Variants in RAB6A observed in about 807,000 individuals in gnomAD.
RAB6A encodes the protein RAB6A, member RAS oncogene family.
Under a neutral mutation model 32.3 loss-of-function variants are expected in RAB6A, and 8 were observed. The observed-to-expected ratio is 0.25, with a 90% CI of 0.15 to 0.45. The LOEUF (loss-of-function observed/expected upper bound fraction) is 0.45, where lower values mean the gene tolerates loss of function less well. RAB6A is among the 20% of genes least tolerant of loss of function. RAB6A has a pLI of 1.00. For missense variants in RAB6A, 104 were observed against 249.4 expected (o/e 0.42, Z 3.93); for synonymous variants, 73 against 82.1 (o/e 0.89, Z 0.60).
At chr11:73,684,168 G>T (rs66818546) in intron 6 of RAB6A, among the ~76,000 whole-genome samples, 14,681 of 144,326 alleles carry the variant, frequency 0.1, 842 homozygotes, top group South Asian at 0.27. Context: ...ATACATTGTT[G>T]TTTTTTTTTT....
chr11:73,756,719 C>G (rs1946755845), intron 1 of RAB6A, among the ~76,000 whole-genome samples: 1 of 152,224 alleles, frequency 6.6e-6, no homozygotes, highest in African/African-American at 2.4e-5. Flanking sequence ...CTCTGAGGCC[C>G]AGGCTGGAGT....
chr11:73,743,450 C>T (rs1228018960), intron 1 of RAB6A, among the ~76,000 whole-genome samples: 2 of 152,066 alleles, frequency 1.3e-5, no homozygotes, highest in Non-Finnish European at 2.9e-5. Context: ...AGCAGGTCAT[C>T]AAGGACCTTT....
intron 2 of RAB6A, among the ~76,000 whole-genome samples, chr11:73,728,455 T>G (rs1946255137): frequency 6.6e-6 from 1 of 151,908 alleles, no homozygotes; most frequent in Non-Finnish European, 1.5e-5. Flanking sequence ...TTATGTTTAT[T>G]GCTTTTTGTA....
At chr11:73,733,131 A>G (rs947406079) in intron 1 of RAB6A, among the ~76,000 whole-genome samples, 1 of 152,098 alleles carries the variant, frequency 6.6e-6, no homozygotes, top group Non-Finnish European at 1.5e-5. Flanking sequence ...TCTTCATGGC[A>G]TCTGGAAACT....
chr11:73,728,848 T>C (rs1946264123), intron 2 of RAB6A, among the ~76,000 whole-genome samples: 1 of 151,914 alleles, frequency 6.6e-6, no homozygotes, highest in Admixed American at 6.6e-5. Context: ...TCAGAAGAGT[T>C]TTACAAAGTA....
intron 5 of RAB6A, among the ~76,000 whole-genome samples, chr11:73,711,298 T>TCA (rs56681686): frequency 0.021 from 3,189 of 152,250 alleles, 110 homozygotes; most frequent in African/African-American, 0.072. Flanking sequence ...AGGGTCCTCA[T>TCA]TTTGCTTTAG....
chr11:73,744,619 T>C (rs1348564675), intron 1 of RAB6A, among the ~76,000 whole-genome samples: 1 of 150,574 alleles, frequency 6.6e-6, no homozygotes, highest in African/African-American at 2.5e-5. Context: ...AATTGTATCA[T>C]AAGGACAAAA....
intron 1 of RAB6A, among the ~76,000 whole-genome samples, chr11:73,738,507 C>T (rs930040296): frequency 1.1e-4 from 17 of 152,096 alleles, no homozygotes; most frequent in African/African-American, 3.9e-4. Context: ...AGAAATTTAG[C>T]CAAGCACAGT....
chr11:73,692,651 TGATAATA>T (rs1468047888), intron 6 of RAB6A, among the ~76,000 whole-genome samples: 2 of 149,306 alleles, frequency 1.3e-5, no homozygotes, highest in Non-Finnish European at 3.0e-5. Flanking sequence ...AACGTCAACT[TGATAATA>T]AACAAATGCC....
At chr11:73,706,806 G>T (rs1341395997) in intron 6 of RAB6A, among the ~76,000 whole-genome samples, 2 of 152,064 alleles carry the variant, frequency 1.3e-5, no homozygotes, top group Non-Finnish European at 2.9e-5. Flanking sequence ...ATTTATCTCA[G>T]TCTTGGCATC....
chr11:73,714,190 C>CT (rs1946011418), intron 5 of RAB6A, among the ~76,000 whole-genome samples: 1 of 22,300 alleles, frequency 4.5e-5, no homozygotes, highest in Non-Finnish European at 9.5e-5. Context: ...AGAACTCCAT[C>CT]TCAAAAAAAA....
intron 6 of RAB6A, among the ~76,000 whole-genome samples, chr11:73,690,872 G>C (rs1945544913): frequency 7.9e-6 from 1 of 127,136 alleles, no homozygotes; most frequent in Admixed American, 9.1e-5. Flanking sequence ...ACAAAATGCA[G>C]CTTCTTTTAT....
chr11:73,752,512 A>T (rs753958822), intron 1 of RAB6A, among the ~76,000 whole-genome samples: 8 of 151,818 alleles, frequency 5.3e-5, no homozygotes, highest in Non-Finnish European at 8.8e-5. Context: ...GAACAAAAAC[A>T]CTCTTTGAAA....
At chr11:73,744,849 C>A (rs915778737) in intron 1 of RAB6A, among the ~76,000 whole-genome samples, 6 of 151,944 alleles carry the variant, frequency 3.9e-5, no homozygotes, top group African/African-American at 1.5e-4. Flanking sequence ...GTGATGCACA[C>A]CTGTAGTCCC....
At chr11:73,733,053 C>T (rs1396426752) in intron 1 of RAB6A, among the ~76,000 whole-genome samples, 1 of 152,020 alleles carries the variant, frequency 6.6e-6, no homozygotes, top group East Asian at 1.9e-4. Flanking sequence ...CCTCATGATC[C>T]GCCTGCCTTG....
chr11:73,717,801 G>C (rs1374049795), intron 4 of RAB6A, among the ~76,000 whole-genome samples: 5 of 152,196 alleles, frequency 3.3e-5, no homozygotes, highest in Non-Finnish European at 1.5e-5. Context: ...AGGAGTTCAA[G>C]ACCCTGGTTT....
At chr11:73,682,003 G>C (rs903730270) in intron 6 of RAB6A, among the ~76,000 whole-genome samples, 1 of 152,182 alleles carries the variant, frequency 6.6e-6, no homozygotes, top group Non-Finnish European at 1.5e-5. Context: ...CACATCAGCT[G>C]TAAGACTTTG....
chr11:73,734,435 A>G (rs1946363198), intron 1 of RAB6A, among the ~76,000 whole-genome samples: 1 of 151,964 alleles, frequency 6.6e-6, no homozygotes, highest in Non-Finnish European at 1.5e-5. Context: ...CAGTTTATCC[A>G]GTTTAATAGT....
intron 6 of RAB6A, among the ~76,000 whole-genome samples, chr11:73,683,041 T>C (rs1253450502): frequency 6.6e-6 from 1 of 151,990 alleles, no homozygotes; most frequent in Admixed American, 6.6e-5. Flanking sequence ...TTTATAGAAA[T>C]TGAGTCAAAA....
Sources: allele counts gnomAD v4.1 joint callset (sites outside exome capture counted in the v4.1 genomes callset), GRCh38; gene constraint gnomAD v4.1.1; transcripts MANE v1.5; gene names NCBI Gene and HGNC (gene_info 2026-07-23, HGNC 2026-07-21).